The following PRKCE variants were observed in gnomAD, a reference collection of about 807,000 sequenced individuals.
The protein encoded by PRKCE is protein kinase C epsilon type.
Under a neutral mutation model 85.4 loss-of-function variants are expected in PRKCE, and 16 were observed. That is an observed-to-expected ratio of 0.19 (90% CI 0.13 to 0.28). PRKCE has a LOEUF of 0.28. Ranked by LOEUF, PRKCE falls within the 10% of genes least tolerant of loss-of-function variation. PRKCE has a pLI of 1.00. For synonymous variants in PRKCE, 388 were observed against 371.5 expected (o/e 1.04, Z -0.51); for missense variants, 573 against 975.2 (o/e 0.59, Z 5.49).
At position 45,937,718 on chromosome 2, in the gene PRKCE, GA is replaced by G. The variant is rs557911422; in HGVS notation, c.413-38700del. Among the ~76,000 whole-genome samples the G allele has an allele frequency of 1.5e-3, 218 of 141,736 alleles. 3 individuals carry two copies. In the East Asian group the frequency reaches 0.035, roughly 23 times the overall value. The allele number at this position is 141,736 out of a possible 152,430, so 93.0% of individuals were successfully genotyped here. On this transcript the variant is annotated intron_variant, in intron 2 of 14. Coordinates refer to ENST00000306156, the MANE Select transcript of PRKCE (RefSeq NM_005400.3). ...TGACAAAGTGAGACTCCGTCTCAAAGAAAAAAAAAAAGAAAGAAAACTTGTA... is the reference window on the plus strand; with the variant it reads ...TGACAAAGTGAGACTCCGTCTCAAAGAAAAAAAAAAGAAAGAAAACTTGTA...
At chr2:45,838,191 G>T (rs1294026024) in intron 1 of PRKCE, among the ~76,000 whole-genome samples, 2 of 152,180 alleles carry the variant, frequency 1.3e-5, no homozygotes, top group Admixed American at 6.5e-5. Context: ...CTGAAAAGGG[G>T]AATGAGCCCA....
chr2:45,864,339 C>G (rs1693408818), intron 2 of PRKCE, among the ~76,000 whole-genome samples: 1 of 152,200 alleles, frequency 6.6e-6, no homozygotes, highest in South Asian at 2.1e-4. Flanking sequence ...CCTCAGAAAG[C>G]CTAACAATAA....
At chr2:45,668,434 A>C (rs895345303) in intron 1 of PRKCE, among the ~76,000 whole-genome samples, 6 of 152,218 alleles carry the variant, frequency 3.9e-5, no homozygotes, top group African/African-American at 1.4e-4. Flanking sequence ...ATATTGTCGA[A>C]GAATCCATTT....
intron 2 of PRKCE, 96 bp from the exon 3 acceptor site, chr2:45,976,333 A>C: frequency 7.0e-7 from 1 of 1,425,364 alleles, no homozygotes; most frequent in Non-Finnish European, 9.5e-7. Context: ...CCCCAGCTCC[A>C]CTCCCCCAGG....
intron 11 of PRKCE, among the ~76,000 whole-genome samples, chr2:46,143,353 G>C (rs1675749431): frequency 2.0e-5 from 3 of 152,136 alleles, no homozygotes. Flanking sequence ...AGGGGCATGT[G>C]ACTCAGTGGG....
chr2:46,061,680 A>G (rs1667136138), intron 10 of PRKCE, among the ~76,000 whole-genome samples: 1 of 152,066 alleles, frequency 6.6e-6, no homozygotes, highest in East Asian at 1.9e-4. Context: ...TGGTATCTGT[A>G]AGGATTCCCG....
intron 1 of PRKCE, among the ~76,000 whole-genome samples, chr2:45,810,705 T>C (rs1273068447): frequency 1.3e-5 from 2 of 152,236 alleles, no homozygotes; most frequent in South Asian, 2.1e-4. Context: ...TGCCTCAGCC[T>C]CCTAAGTAGC....
intron 2 of PRKCE, among the ~76,000 whole-genome samples, chr2:45,872,362 C>T (rs897583007): frequency 3.3e-5 from 5 of 152,130 alleles, no homozygotes; most frequent in African/African-American, 1.2e-4. Flanking sequence ...GAGGTCAGAG[C>T]GGCAGCAGAG....
In PRKCE at chr2:45,998,995, C is replaced by G. The variant is rs537885104; in HGVS notation, c.824-2409C>G. On this transcript the variant is annotated intron_variant, in intron 6 of 14. Coordinates refer to ENST00000306156, the MANE Select transcript of PRKCE (RefSeq NM_005400.3). Reference sequence around the variant, plus strand: ...TAATTCCTCCCTGCCATCCTTGTCTCATTACTATCATTTATTTCACTTACA... The same window carrying G: ...TAATTCCTCCCTGCCATCCTTGTCTGATTACTATCATTTATTTCACTTACA... 8.5e-5 allele frequency among the ~76,000 whole-genome samples: 13 copies of G among 152,242 alleles called. No individual in the cohort carries two copies. The South Asian group carries it at 2.7e-3, about 32-fold the overall frequency.
At chr2:46,169,991 T>G (rs148401827) in intron 14 of PRKCE, among the ~76,000 whole-genome samples, 6 of 152,344 alleles carry the variant, frequency 3.9e-5, no homozygotes, top group African/African-American at 1.4e-4. Context: ...ATGAGGGACT[T>G]AAGTAATCCC....
intron 2 of PRKCE, among the ~76,000 whole-genome samples, chr2:45,923,641 G>A (rs950057643): frequency 1.3e-5 from 2 of 152,192 alleles, no homozygotes; most frequent in Non-Finnish European, 2.9e-5. Context: ...AAAGACACCC[G>A]TGAAGCAATG....
intron 1 of PRKCE, among the ~76,000 whole-genome samples, chr2:45,692,415 C>T (rs1212970056): frequency 2.0e-5 from 3 of 152,018 alleles, no homozygotes; most frequent in Non-Finnish European, 2.9e-5. Flanking sequence ...TTTACAGGGC[C>T]CTTTTCCTCT....
chr2:46,015,340 C>T (rs1706033136), intron 10 of PRKCE, among the ~76,000 whole-genome samples: 2 of 152,140 alleles, frequency 1.3e-5, no homozygotes. Context: ...CCCACAAAAC[C>T]TGTCTTGAAT....
chr2:46,159,337 G>A lies in PRKCE; in HGVS notation c.1921-269G>A, dbSNP rs1361090481. On this transcript the variant is annotated intron_variant, in intron 13 of 14. Transcript: ENST00000306156. This position sits in a 1 kb window ranked among gnomAD's most constrained non-coding sequence, Gnocchi z 4.1. The stretch of plus-strand genomic sequence containing the variant: ...GACCTCTGTGTGCTTCTAGTGCCTC[G>A]TTTATAATATAGAGACAATGATAGT... Among the ~76,000 whole-genome samples, 1 of 152,144 alleles carries A rather than the reference G, an allele frequency of 6.6e-6. No homozygotes were observed. The highest frequency in any genetic ancestry group is 1.5e-5 in the Non-Finnish European group (1 of 68,028).
intron 14 of PRKCE, among the ~76,000 whole-genome samples, chr2:46,163,232 T>G (rs1315322675): frequency 6.6e-6 from 1 of 151,124 alleles, no homozygotes; most frequent in African/African-American, 2.4e-5. Context: ...CATGGGGAAG[T>G]GGAGGGGCAC....
intron 1 of PRKCE, among the ~76,000 whole-genome samples, chr2:45,810,074 C>T (rs1444372497): frequency 6.6e-6 from 1 of 151,826 alleles, no homozygotes; most frequent in African/African-American, 2.4e-5. Context: ...AAGTCTCGCT[C>T]TTGTCCCCCA....
At chr2:46,000,017 C>T (rs1333925863) in intron 6 of PRKCE, among the ~76,000 whole-genome samples, 2 of 152,192 alleles carry the variant, frequency 1.3e-5, no homozygotes, top group Non-Finnish European at 2.9e-5. Context: ...TGTACATTAT[C>T]CATTAGAACC....
intron 1 of PRKCE, among the ~76,000 whole-genome samples, chr2:45,833,365 A>G (rs934092983): frequency 2.0e-5 from 3 of 152,104 alleles, no homozygotes; most frequent in African/African-American, 4.8e-5. Flanking sequence ...ACCTATCTCA[A>G]TCCCAGCCCT....
intron 2 of PRKCE, among the ~76,000 whole-genome samples, chr2:45,859,221 T>C (rs1178982475): frequency 1.3e-5 from 2 of 152,250 alleles, no homozygotes; most frequent in Admixed American, 1.3e-4. Flanking sequence ...AAAATTAATT[T>C]ATCCATTCTT....
Sources: allele counts gnomAD v4.1 joint callset (sites outside exome capture counted in the v4.1 genomes callset), GRCh38; gene constraint gnomAD v4.1.1; non-coding constraint Gnocchi (gnomAD v3.1); transcripts MANE v1.5; gene names NCBI Gene and HGNC (gene_info 2026-07-23, HGNC 2026-07-21).